The following MFSD8 variants were observed in gnomAD, a reference collection of about 807,000 sequenced individuals.
The protein encoded by MFSD8 is major facilitator superfamily domain-containing protein 8.
In MFSD8, 55 loss-of-function variants were observed where a neutral mutation model predicts 66.4. The ratio of observed to expected loss-of-function variants is 0.83; its 90% CI spans 0.67 to 1.04. The LOEUF is 1.04. Ranked by LOEUF, MFSD8 falls within the 50% of genes least tolerant of loss-of-function variation. The pLI is 0.00. For synonymous variants in MFSD8, 202 were observed against 212.8 expected (o/e 0.95, Z 0.44); for missense variants, 550 against 627.6 (o/e 0.88, Z 1.32).
rs541428629 is a variant in MFSD8, at chr4:127,919,101, C to T, written c.*1529G>A. 5 of 152,254 alleles carry T rather than the reference C, an allele frequency of 3.3e-5. No homozygotes were observed. The highest frequency in any genetic ancestry group is 5.9e-5 in the Non-Finnish European group (4 of 68,016). 9.4% of individuals were successfully genotyped at this position (152,254 alleles called of 1,614,324 possible). A position where few individuals can be genotyped will look rare whatever the true frequency, so the allele number is the denominator to read the frequency against. Reference sequence around the variant, plus strand: ...GTGAAAACAGTCTTCAAAATTTAATCGTAGAATAATTCTATCAAATTAAGC... The same window carrying T: ...GTGAAAACAGTCTTCAAAATTTAATTGTAGAATAATTCTATCAAATTAAGC... On this transcript the variant is annotated 3_prime_UTR_variant, in exon 12 of 12. Transcript: ENST00000641686.
intron 9 of MFSD8, among the ~76,000 whole-genome samples, chr4:127,923,856 A>G (rs958802144): frequency 6.6e-6 from 1 of 152,112 alleles, no homozygotes; most frequent in Admixed American, 6.6e-5. Context: ...CTGAGATTAC[A>G]GGCGTGAGCC....
intron 1 of MFSD8, among the ~76,000 whole-genome samples, chr4:127,962,697 A>T (rs748782226): frequency 2.0e-5 from 3 of 152,150 alleles, no homozygotes; most frequent in Non-Finnish European, 2.9e-5. Flanking sequence ...ATAGCAGTGT[A>T]AAATAAATTG....
intron 2 of MFSD8, among the ~76,000 whole-genome samples, chr4:127,956,986 G>C (rs887016416): frequency 1.3e-5 from 2 of 151,884 alleles, no homozygotes; most frequent in Non-Finnish European, 2.9e-5. Context: ...TTAACTGTTA[G>C]TCTTTCTTTT....
intron 2 of MFSD8, among the ~76,000 whole-genome samples, chr4:127,955,504 C>T (rs1742695217): frequency 6.8e-6 from 1 of 146,452 alleles, no homozygotes; most frequent in African/African-American, 2.6e-5. Context: ...CACACCACTG[C>T]ACTCCAGCTT....
chr4:127,925,109 T>G (rs1286412708), intron 9 of MFSD8, among the ~76,000 whole-genome samples: 1 of 152,146 alleles, frequency 6.6e-6, no homozygotes, highest in African/African-American at 2.4e-5. Context: ...GATCAAAGAC[T>G]TAAACATAGG....
At position 127,943,763 on chromosome 4, in the gene MFSD8, C is replaced by G. The variant is rs762496121; in HGVS notation, c.428G>C (p.Gly143Ala). ...ACATACAACCTTACCTGCTCCAATT[C>G]CCAACAATCCACGAGCAACCAGCAT... Reference protein sequence around the residue: ...YYMLVARGLLGIGAGNVAVVR... With the variant: ...YYMLVARGLLAIGAGNVAVVR... Residue 143 changes from glycine (G) to alanine (A), a missense_variant, in exon 4 of 12, where the codon GGA becomes GCA. Gly to Ala is a moderately conservative substitution (Grantham distance 60). Coordinates refer to ENST00000641686, the MANE Select transcript of MFSD8 (RefSeq NM_001371596.2). 6.2e-7 allele frequency: 1 copy of G among 1,614,058 alleles called. No homozygotes were observed. The highest frequency in any genetic ancestry group is 8.5e-7 in the Non-Finnish European group (1 of 1,180,028).
At position 127,947,898 on chromosome 4, in the gene MFSD8, A is replaced by T. The variant is rs542374097; in HGVS notation, c.198+1906T>A. On this transcript the variant is annotated intron_variant, in intron 3 of 11. Transcript: ENST00000641686. ...CACACACACACACACACACACACACACTCTCTCTCCAACCTCATAGAAAAA... is the reference window on the plus strand; with the variant it reads ...CACACACACACACACACACACACACTCTCTCTCTCCAACCTCATAGAAAAA... Among the ~76,000 whole-genome samples, 1,007 of 146,914 alleles carry T rather than the reference A, an allele frequency of 6.9e-3. 12 individuals are homozygous for T. Among genetic ancestry groups the T allele is most frequent in the African/African-American group, 0.021 (818 of 38,842 alleles).
rs77688773 is a variant in MFSD8 at position 127,949,768 on chromosome 4, T to C, written c.198+36A>G. 903 of 1,579,660 alleles carry C rather than the reference T, an allele frequency of 5.7e-4. 8 individuals are homozygous for C. The African/African-American group carries it at 0.011, about 19-fold the overall frequency. On this transcript the variant is annotated intron_variant, in intron 3 of 11. Coordinates refer to ENST00000641686, the MANE Select transcript of MFSD8 (RefSeq NM_001371596.2). ...AACTACGTAAGAGTTACTACTACTG[T>C]AGCTATAAGGGAAAAATAGATTGAA...
Position 127,918,226 on chromosome 4 carries a change from G to T in MFSD8, c.*2404C>A, listed in dbSNP as rs552620239. 6.6e-6 allele frequency: 1 copy of T among 151,860 alleles called. No homozygotes were observed. The highest frequency in any genetic ancestry group is 2.1e-4 in the South Asian group (1 of 4,804). The allele number at this position is 151,860 out of a possible 1,614,324, so 9.4% of individuals were successfully genotyped here. A position where few individuals can be genotyped will look rare whatever the true frequency, so the allele number is the denominator to read the frequency against. ...TCCTGTTGTCATTTTCTCTTTATAC[G>T]CAACTTGGCCTACTCAAGAAGACAT... On this transcript the variant is annotated 3_prime_UTR_variant, in exon 12 of 12. Transcript: ENST00000641686.
chr4:127,925,495 T>C (rs1165503681), intron 9 of MFSD8, among the ~76,000 whole-genome samples: 1 of 152,158 alleles, frequency 6.6e-6, no homozygotes, highest in Non-Finnish European at 1.5e-5. Flanking sequence ...AAAAAGCTCA[T>C]CATCACTGGT....
chr4:127,938,594 AAT>A (rs1553949062), intron 7 of MFSD8, among the ~76,000 whole-genome samples, 187 bp downstream of exon 7: 39 of 107,384 alleles, frequency 3.6e-4, no homozygotes, highest in African/African-American at 1.2e-3. Context: ...AAAAAAAAAA[AAT>A]AAATAAATAA....
rs1579053586 is a variant in MFSD8, at chr4:127,965,114, T to C, written c.20A>G (p.Glu7Gly). Residue 7 changes from glutamate to glycine, a missense_variant, in exon 1 of 12, where the codon GAA becomes GGA. Glu to Gly is a moderately conservative substitution (Grantham distance 98, BLOSUM62 -2). Coordinates refer to ENST00000641686, the MANE Select transcript of MFSD8 (RefSeq NM_001371596.2). ...GCCTAAGAGCGGCTCCTGTTCACTT[T>C]CGTTCCGCAGGCCGGCCATAGTTAC... MAGLRN[E>G]SEQEPLLGDT... 1 of 1,613,932 alleles carries C rather than the reference T, an allele frequency of 6.2e-7. No homozygotes were observed. The highest frequency in any genetic ancestry group is 8.5e-7 in the Non-Finnish European group (1 of 1,180,022).
chr4:127,953,703 G>C (rs1007663223), intron 2 of MFSD8, among the ~76,000 whole-genome samples: 1 of 151,360 alleles, frequency 6.6e-6, no homozygotes, highest in Non-Finnish European at 1.5e-5. Context: ...CAGACTGGTC[G>C]CAAACTCCTG....
intron 2 of MFSD8, among the ~76,000 whole-genome samples, chr4:127,957,276 A>G (rs542725209): frequency 6.6e-6 from 1 of 152,322 alleles, no homozygotes; most frequent in African/African-American, 2.4e-5. Flanking sequence ...TAATGGGTAT[A>G]GAGTTTCTCT....
intron 2 of MFSD8, among the ~76,000 whole-genome samples, chr4:127,953,599 G>A (rs1742398087): frequency 7.6e-6 from 1 of 132,346 alleles, no homozygotes; most frequent in Admixed American, 8.6e-5. Flanking sequence ...TGTGGCCCAG[G>A]CTGGAGTGCA....
In MFSD8 at chr4:127,943,687, A is replaced by G. The variant is rs978983544; in HGVS notation, c.439+65T>C. ...TTAAAAGGGGATGAGACCAGTTAAA[A>G]GTGAGCCATAAATGTCAGAATGAAT... On this transcript the variant is annotated intron_variant, in intron 4 of 11. Coordinates refer to ENST00000641686, the MANE Select transcript of MFSD8 (RefSeq NM_001371596.2). 13 of 1,600,172 alleles carry G rather than the reference A, an allele frequency of 8.1e-6. No homozygotes were observed. The African/African-American group carries it at 1.7e-4, about 21-fold the overall frequency.
chr4:127,938,325 T>G (rs1739415952), intron 7 of MFSD8, among the ~76,000 whole-genome samples: 1 of 152,246 alleles, frequency 6.6e-6, no homozygotes, highest in East Asian at 1.9e-4. Flanking sequence ...TGCTCACGCC[T>G]GTAATCCCAG....
chr4:127,943,388 G>C, intron 4 of MFSD8: 1 of 233,120 alleles, frequency 4.3e-6, no homozygotes, highest in South Asian at 5.4e-5. Context: ...TTTTTGTTTT[G>C]GGTTTTTTTT....
At chr4:127,965,343 C>A (rs1744922073), upstream of MFSD8, 3 of 631,358 alleles carry the variant, frequency 4.8e-6, no homozygotes, top group East Asian at 8.2e-5. Context: ...TCAGCCTCCT[C>A]CCTCGGCACG....
Sources: gnomAD v4.1 joint callset for allele counts (sites outside exome capture counted in the v4.1 genomes callset) on GRCh38, gnomAD v4.1.1 for gene constraint, MANE v1.5 for transcripts, NCBI Gene and HGNC (gene_info 2026-07-23, HGNC 2026-07-21) for gene names.